Variants in SDK1 observed in about 807,000 individuals in gnomAD.
The protein encoded by SDK1 is sidekick cell adhesion molecule 1, also known as protein sidekick-1.
A neutral mutation model predicts 245.5 loss-of-function variants in SDK1; 157 were observed. That is an observed-to-expected ratio of 0.64 (90% CI 0.56 to 0.73). The LOEUF is 0.73. SDK1 is among the 30% of genes least tolerant of loss of function. SDK1 has a pLI of 0.00. For missense variants in SDK1, 3,583 were observed against 3,002.3 expected (o/e 1.19, Z -4.52); for synonymous variants, 1,647 against 1,278.5 (o/e 1.29, Z -6.15).
At chr7:3,840,668 C>T (rs1015929526) in intron 5 of SDK1, among the ~76,000 whole-genome samples, 3 of 152,328 alleles carry the variant, frequency 2.0e-5, no homozygotes, top group South Asian at 2.1e-4. Flanking sequence ...GCTGATACTG[C>T]GGTTCACGGA....
intron 4 of SDK1, among the ~76,000 whole-genome samples, chr7:3,669,788 A>G (rs1783640622): frequency 6.6e-6 from 1 of 152,206 alleles, no homozygotes; most frequent in Admixed American, 6.5e-5. Flanking sequence ...TATGTATTCA[A>G]CAGCCTATTC....
intron 4 of SDK1, among the ~76,000 whole-genome samples, chr7:3,797,790 C>G (rs543009152): frequency 2.0e-5 from 3 of 152,212 alleles, no homozygotes; most frequent in Admixed American, 1.3e-4. Flanking sequence ...AGAACTGTTT[C>G]TCTCCTGTTG....
At position 4,248,184 on chromosome 7, in the gene SDK1, A is replaced by G. The variant is rs114488671; in HGVS notation, c.6381+2379A>G. On this transcript the variant is annotated intron_variant, in intron 44 of 44. Coordinates refer to ENST00000404826, the MANE Select transcript of SDK1 (RefSeq NM_152744.4). ...CATGAACACATATGTACATGTACAC[A>G]CATGTGCACGGACACATACACACCT... Among the ~76,000 whole-genome samples the G allele has an allele frequency of 3.0e-3, 462 of 152,168 alleles. 3 individuals are homozygous for G. The highest frequency in any genetic ancestry group is 0.011 in the African/African-American group (437 of 41,506).
At chr7:3,499,015 A>G (rs1296758974) in intron 1 of SDK1, among the ~76,000 whole-genome samples, 1 of 152,126 alleles carries the variant, frequency 6.6e-6, no homozygotes, top group Non-Finnish European at 1.5e-5. Flanking sequence ...GTTTAATTAA[A>G]ATTTTGTTTT....
chr7:3,448,679 C>A (rs978272963), intron 1 of SDK1, among the ~76,000 whole-genome samples: 2 of 151,956 alleles, frequency 1.3e-5, no homozygotes, highest in Non-Finnish European at 2.9e-5. Context: ...AGATATCTAG[C>A]CACTTATTAT....
At chr7:3,565,257 A>G (rs1249034085) in intron 1 of SDK1, among the ~76,000 whole-genome samples, 1 of 152,160 alleles carries the variant, frequency 6.6e-6, no homozygotes, top group African/African-American at 2.4e-5. Context: ...GGTCATGATA[A>G]AGCATCTAAA....
chr7:3,871,963 G>T (rs554813044), intron 5 of SDK1, among the ~76,000 whole-genome samples: 9 of 152,138 alleles, frequency 5.9e-5, no homozygotes, highest in Non-Finnish European at 1.3e-4. Context: ...CCCATATTTG[G>T]TTAAGGAAGT....
chr7:3,696,765 C>T (rs1044850575), intron 4 of SDK1, among the ~76,000 whole-genome samples: 1 of 151,804 alleles, frequency 6.6e-6, no homozygotes, highest in African/African-American at 2.4e-5. Context: ...TGTGTCAGTT[C>T]TTATATTAAA....
intron 1 of SDK1, among the ~76,000 whole-genome samples, chr7:3,589,729 G>GA: frequency 6.6e-6 from 1 of 152,148 alleles, no homozygotes; most frequent in Admixed American, 6.5e-5. Flanking sequence ...AACAGCATGG[G>GA]AAAAAACCAC....
At chr7:3,730,620 T>C (rs1283306945) in intron 4 of SDK1, among the ~76,000 whole-genome samples, 1 of 152,130 alleles carries the variant, frequency 6.6e-6, no homozygotes, top group Non-Finnish European at 1.5e-5. Context: ...CTTTTTTCTC[T>C]GGGAAGGAAG....
At chr7:3,654,897 C>G (rs1194562427) in intron 4 of SDK1, among the ~76,000 whole-genome samples, 1 of 152,070 alleles carries the variant, frequency 6.6e-6, no homozygotes, top group Admixed American at 6.5e-5. Flanking sequence ...CAATATTAGC[C>G]CATTATACAT....
intron 1 of SDK1, among the ~76,000 whole-genome samples, chr7:3,387,744 A>G (rs1022649233): frequency 1.3e-5 from 2 of 152,224 alleles, no homozygotes; most frequent in South Asian, 4.1e-4. Flanking sequence ...GTCTATTACC[A>G]CAATAAAAAT....
At chr7:3,942,055 C>T (rs907718289) in intron 5 of SDK1, among the ~76,000 whole-genome samples, 8 of 151,938 alleles carry the variant, frequency 5.3e-5, no homozygotes, top group South Asian at 2.1e-4. Context: ...TACAGGCGCC[C>T]GCCACCATGC....
chr7:3,592,074 C>G (rs1169434501), intron 1 of SDK1, among the ~76,000 whole-genome samples: 1 of 152,168 alleles, frequency 6.6e-6, no homozygotes, highest in Non-Finnish European at 1.5e-5. Context: ...GTATCACTAT[C>G]AGCTCTATTT....
intron 17 of SDK1, among the ~76,000 whole-genome samples, chr7:4,027,013 A>G (rs79795516): frequency 6.6e-6 from 1 of 152,264 alleles, no homozygotes; most frequent in Non-Finnish European, 1.5e-5. Flanking sequence ...AACCATGTAC[A>G]TTTGGGATCA....
At chr7:3,942,016 C>A (rs757331216) in intron 5 of SDK1, among the ~76,000 whole-genome samples, 1 of 149,672 alleles carries the variant, frequency 6.7e-6, no homozygotes, top group Non-Finnish European at 1.5e-5. Flanking sequence ...TCATGCCATT[C>A]TCCTGCCTCA....
At chr7:3,567,314 C>T (rs1300070955) in intron 1 of SDK1, among the ~76,000 whole-genome samples, 1 of 152,160 alleles carries the variant, frequency 6.6e-6, no homozygotes, top group Admixed American at 6.5e-5. Flanking sequence ...GGCTTGATAC[C>T]TGCAACAGGA....
At chr7:4,094,314 G>A (rs1289977248) in intron 22 of SDK1, among the ~76,000 whole-genome samples, 2 of 152,132 alleles carry the variant, frequency 1.3e-5, no homozygotes, top group African/African-American at 2.4e-5. Context: ...CACCCACCTC[G>A]GCCTCCCAAA....
intron 19 of SDK1, among the ~76,000 whole-genome samples, chr7:4,060,422 G>A (rs1418721284): frequency 6.6e-6 from 1 of 152,138 alleles, no homozygotes; most frequent in Non-Finnish European, 1.5e-5. Context: ...TGTGTTTTTT[G>A]GCTGCATAAA....
Sources: allele counts gnomAD v4.1 joint callset (sites outside exome capture counted in the v4.1 genomes callset), GRCh38; gene constraint gnomAD v4.1.1; transcripts MANE v1.5; gene names NCBI Gene and HGNC (gene_info 2026-07-23, HGNC 2026-07-21).